Variants in DPPA4 observed in about 807,000 individuals in gnomAD.
DPPA4 encodes the protein developmental pluripotency-associated protein 4.
DPPA4 carries 22 observed loss-of-function variants against 33.7 expected under a neutral mutation model. The observed-to-expected ratio is 0.65, with a 90% CI of 0.47 to 0.93. DPPA4 has a LOEUF of 0.93. DPPA4 is among the 40% of genes least tolerant of loss of function. The pLI is 0.00. For missense variants in DPPA4, 340 were observed against 358.6 expected, an observed-to-expected ratio of 0.95 and a Z score of 0.42; for synonymous variants, 156 against 132.3, an observed-to-expected ratio of 1.18 and a Z score of -1.23.
chr3:109,331,564 A>AAAAG (rs368651803), intron 4 of DPPA4, among the ~76,000 whole-genome samples, 170 bp downstream of exon 4: 10,195 of 103,298 alleles, frequency 0.099, 302 homozygotes, highest in East Asian at 0.27. Context: ...AAAAAAAAAA[A>AAAAG]AAAGAAAGAA....
chr3:109,337,336 A>T (rs9836011), intron 1 of DPPA4, 128 bp downstream of exon 1: 348,162 of 743,364 alleles, frequency 0.47, 90,797 homozygotes, highest in East Asian at 0.73. Flanking sequence ...TAAAATAAAA[A>T]AAAAAAAAGT....
intron 1 of DPPA4, among the ~76,000 whole-genome samples, chr3:109,334,573 A>G (rs558713537): frequency 6.6e-6 from 1 of 151,582 alleles, no homozygotes; most frequent in Non-Finnish European, 1.5e-5. Flanking sequence ...ACTATATTCC[A>G]TCATCTCTCA....
intron 4 of DPPA4, among the ~76,000 whole-genome samples, chr3:109,331,348 G>A (rs1481636088): frequency 1.4e-5 from 2 of 146,284 alleles, no homozygotes; most frequent in Non-Finnish European, 3.0e-5. Flanking sequence ...TGCTGGCCAG[G>A]CACAGTGGTT....
chr3:109,337,932 C>T (rs1222964948), upstream of DPPA4, among the ~76,000 whole-genome samples: 1 of 152,126 alleles, frequency 6.6e-6, no homozygotes, highest in East Asian at 1.9e-4. Flanking sequence ...ACCAGACTGG[C>T]GGCTTGAAGA....
Position 109,326,698 on chromosome 3 carries a change from A to G in DPPA4, c.*1290T>C, listed in dbSNP as rs908262691. The G allele has an allele frequency of 1.3e-5, 2 of 152,232 alleles. No individual in the cohort carries two copies. The highest frequency in any genetic ancestry group is 6.5e-5 in the Admixed American group (1 of 15,272). The allele number at this position is 152,232 out of a possible 1,614,324, so 9.4% of individuals were successfully genotyped here. The stretch of plus-strand genomic sequence containing the variant: ...GACTCGCAGGACTATAAGTTTAGGA[A>G]GTACACAAAAAAATTAAAAATTAAT... On this transcript the variant is annotated 3_prime_UTR_variant, in exon 7 of 7. Transcript: ENST00000335658.
In DPPA4 at chr3:109,330,589, G is replaced by T; in HGVS notation, c.614C>A (p.Ser205Tyr). Reference protein sequence around the residue: ...TTSAPEALLASWARISARART... With the variant: ...TTSAPEALLAYWARISARART... ...CGCCCTGGCTGAAATTCTCGCCCAG[G>T]AGGCCAGCAAAGCCTCTGGGGCAGA... The change falls in exon 5 of 7, where the codon TCC (serine) becomes TAC (tyrosine). Residue 205 changes from serine (S) to tyrosine (Y), a missense_variant. Ser to Tyr is a moderately radical substitution (Grantham distance 144). Coordinates refer to ENST00000335658, the MANE Select transcript of DPPA4 (RefSeq NM_018189.4). 2 of 1,614,102 alleles carry T rather than the reference G, an allele frequency of 1.2e-6. No individual in the cohort carries two copies. The highest frequency in any genetic ancestry group is 2.2e-5 in the South Asian group (2 of 91,078).
In DPPA4 at chr3:109,337,499, A is replaced by G. The variant is rs1708238953; in HGVS notation, c.19T>C (p.Ser7Pro). The change falls in exon 1 of 7, where the codon TCT becomes CCT. Residue 7 changes from serine (S) to proline (P), a missense_variant. Ser to Pro is a moderately conservative substitution (Grantham distance 74, BLOSUM62 -1). Transcript: ENST00000335658. ...TTTGCCTTCTCCATACTTGTAGAAGAAGCGGAGCCTCGCAACATGCTTCCA... is the reference window on the plus strand; with the variant it reads ...TTTGCCTTCTCCATACTTGTAGAAGGAGCGGAGCCTCGCAACATGCTTCCA... MLRGSA[S>P]STSMEKAKGK... 2 of 1,614,044 alleles carry G rather than the reference A, an allele frequency of 1.2e-6. No individual in the cohort carries two copies. Among genetic ancestry groups the G allele is most frequent in the Non-Finnish European group, 8.5e-7 (1 of 1,180,038 alleles).
intron 5 of DPPA4, 149 bp from the exon 6 acceptor site, chr3:109,329,237 C>A: frequency 1.4e-6 from 1 of 719,496 alleles, no homozygotes; most frequent in East Asian, 2.7e-5. Context: ...TTCTGTTCTC[C>A]TTTAGAAAAG....
intron 4 of DPPA4, among the ~76,000 whole-genome samples, chr3:109,331,040 G>A (rs1366924264): frequency 6.6e-6 from 1 of 151,934 alleles, no homozygotes; most frequent in African/African-American, 2.4e-5. Context: ...CACTTTGGGA[G>A]GCCAAGGTGG....
rs2107346147 is a variant in DPPA4, at chr3:109,331,980, T to C, written c.230A>G (p.Lys77Arg). Residue 77 changes from lysine to arginine, a missense_variant, in exon 3 of 7, where the codon AAG becomes AGG. Coordinates refer to ENST00000335658, the MANE Select transcript of DPPA4 (RefSeq NM_018189.4). ...AEHTDNPRPQ[K>R]KIPIPPLPSK... Reference sequence around the variant, plus strand: ...AGGTAATGGAGGGATTGGTATCTTCTTCTGAGGTCTGGGGTTGTCAGTGTG... The same window carrying C: ...AGGTAATGGAGGGATTGGTATCTTCCTCTGAGGTCTGGGGTTGTCAGTGTG... 1 of 1,614,162 alleles carries C rather than the reference T, an allele frequency of 6.2e-7. No homozygotes were observed. The highest frequency in any genetic ancestry group is 2.2e-5 in the East Asian group (1 of 44,884).
intron 1 of DPPA4, among the ~76,000 whole-genome samples, chr3:109,335,770 C>G (rs552462701): frequency 6.6e-6 from 1 of 152,002 alleles, no homozygotes; most frequent in Non-Finnish European, 1.5e-5. Flanking sequence ...TCATAGCAAT[C>G]TGGCAACAAT....
At chr3:109,330,253 G>A (rs1708031251) in intron 5 of DPPA4, 1 of 411,568 alleles carries the variant, frequency 2.4e-6, no homozygotes, top group Admixed American at 3.9e-5. Context: ...GGTGAGCTGA[G>A]ATCGCGCCAC....
rs1020807283 is a variant in DPPA4 at position 109,326,606 on chromosome 3, T to G, written c.*1382A>C. 1.3e-5 allele frequency: 2 copies of G among 152,248 alleles called. No individual in the cohort carries two copies. Among genetic ancestry groups the G allele is most frequent in the Admixed American group, 6.5e-5 (1 of 15,270 alleles). 9.4% of individuals were successfully genotyped at this position (152,248 alleles called of 1,614,324 possible). A position where few individuals can be genotyped will look rare whatever the true frequency, so the allele number is the denominator to read the frequency against. On this transcript the variant is annotated 3_prime_UTR_variant, in exon 7 of 7. Coordinates refer to ENST00000335658, the MANE Select transcript of DPPA4 (RefSeq NM_018189.4). ...CGGGCAAAAAAAAAGATCCCCTACT[T>G]GTAATAACAAAACAATGTTGGAAAC...
intron 1 of DPPA4, among the ~76,000 whole-genome samples, chr3:109,335,674 C>T (rs562970070): frequency 5.3e-4 from 81 of 151,870 alleles, no homozygotes; most frequent in Non-Finnish European, 1.1e-3. Context: ...AAGTGATCCG[C>T]CCACCTCAGC....
rs1448681206 is a variant in DPPA4 at position 109,330,695 on chromosome 3, G to A, written c.508C>T (p.Leu170Phe). 1 of 1,614,090 alleles carries A rather than the reference G, an allele frequency of 6.2e-7. No homozygotes were observed. The highest frequency in any genetic ancestry group is 2.2e-5 in the East Asian group (1 of 44,884). Residue 170 changes from leucine (L) to phenylalanine (F), a missense_variant, in exon 5 of 7, where the codon CTT becomes TTT. Coordinates refer to ENST00000335658, the MANE Select transcript of DPPA4 (RefSeq NM_018189.4). The stretch of plus-strand genomic sequence containing the variant: ...GCAGGCGGCTCCCCCACAGGAGGAA[G>A]AGCCACTTCAGGAGGATGTGTCTCA... The part of the protein sequence containing the change: ...SSETHPPEVA[L>F]PPVGEPPALE...
intron 1 of DPPA4, among the ~76,000 whole-genome samples, chr3:109,336,897 A>AT (rs1708225988): frequency 1.3e-5 from 2 of 151,988 alleles, no homozygotes; most frequent in Non-Finnish European, 2.9e-5. Context: ...TGAAAACCTA[A>AT]TTTTTTAACT....
intron 1 of DPPA4, among the ~76,000 whole-genome samples, chr3:109,334,660 C>A (rs543754154): frequency 9.2e-5 from 14 of 152,114 alleles, no homozygotes. Flanking sequence ...GGCAGAGTGA[C>A]ACTATGAAAA....
chr3:109,337,503 G>T lies in DPPA4; in HGVS notation c.15C>A (p.Ser5=). The change falls in exon 1 of 7, where the codon TCC becomes TCA. Residue 5 remains serine (S), a synonymous_variant. Transcript: ENST00000335658. MLRG[S]ASSTSMEKAK... is the part of the protein sequence containing the mutation. ...CCTTCTCCATACTTGTAGAAGAAGC[G>T]GAGCCTCGCAACATGCTTCCAAAAT... 1 of 1,613,994 alleles carries T rather than the reference G, an allele frequency of 6.2e-7. No individual in the cohort carries two copies. The highest frequency in any genetic ancestry group is 8.5e-7 in the Non-Finnish European group (1 of 1,180,010).
chr3:109,331,944 G>A lies in DPPA4; in HGVS notation c.266C>T (p.Pro89Leu). The change falls in exon 3 of 7, where the codon CCA (proline) becomes CTA (leucine). Residue 89 changes from proline to leucine, a missense_variant. Coordinates refer to ENST00000335658, the MANE Select transcript of DPPA4 (RefSeq NM_018189.4). ...GTCCCGGTGAATCAGATTAACAGGT[G>A]GCAGTTTAGAAGGTAATGGAGGGAT... Reference protein sequence around the residue: ...IPIPPLPSKLPPVNLIHRDIL... With the variant: ...IPIPPLPSKLLPVNLIHRDIL... The A allele has an allele frequency of 6.2e-7, 1 of 1,614,116 alleles. No individual in the cohort carries two copies. Among genetic ancestry groups the A allele is most frequent in the Non-Finnish European group, 8.5e-7 (1 of 1,180,026 alleles).
Sources: gnomAD v4.1 joint callset for allele counts (sites outside exome capture counted in the v4.1 genomes callset) on GRCh38, gnomAD v4.1.1 for gene constraint, MANE v1.5 for transcripts, NCBI Gene and HGNC (gene_info 2026-07-23, HGNC 2026-07-21) for gene names.